PSMD7: variants seen among roughly 807,000 people sequenced by gnomAD.
PSMD7 encodes 26S proteasome non-ATPase regulatory subunit 7.
A neutral mutation model predicts 36.4 loss-of-function variants in PSMD7; 13 were observed. The ratio of observed to expected loss-of-function variants is 0.36; its 90% CI spans 0.23 to 0.57. The LOEUF is 0.57. PSMD7 is among the 20% of genes least tolerant of loss of function. The pLI is 0.83. For missense variants in PSMD7, 298 were observed against 393.6 expected, an observed-to-expected ratio of 0.76 and a Z score of 2.06; for synonymous variants, 186 against 151.0, an observed-to-expected ratio of 1.23 and a Z score of -1.70.
intron 6 of PSMD7, 194 bp from the exon 7 acceptor site, chr16:74,305,094 TA>T (rs2034184683): frequency 4.2e-6 from 3 of 718,590 alleles, no homozygotes; most frequent in Non-Finnish European, 6.4e-6. Flanking sequence ...ATGAGAAAGA[TA>T]AAATGTGTTC....
In PSMD7 at chr16:74,299,271, G is replaced by C. The variant is rs149235524; in HGVS notation, c.75-844G>C. On this transcript the variant is annotated intron_variant, in intron 1 of 6. Coordinates refer to ENST00000219313, the MANE Select transcript of PSMD7 (RefSeq NM_002811.5). ...AATACTTCTTGAAGACCAAGGAAAT[G>C]AGAGTGTGTAAGTGATGCACTTGTA... Among the ~76,000 whole-genome samples the C allele has an allele frequency of 6.6e-3, 1,004 of 152,306 alleles. 7 individuals are homozygous for C. Among genetic ancestry groups the C allele is most frequent in the Non-Finnish European group, 8.5e-3 (578 of 68,036 alleles).
chr16:74,296,860 C>A lies in PSMD7; in HGVS notation c.-55C>A. 1 of 1,587,112 alleles carries A rather than the reference C, an allele frequency of 6.3e-7. No individual in the cohort carries two copies. The highest frequency in any genetic ancestry group is 8.6e-7 in the Non-Finnish European group (1 of 1,160,142). Reference sequence around the variant, plus strand: ...GAAAGGGTACCGGTGACCGCTACTGCTGCCGGTGTTTGCGTGTGGCAGGGA... The same window carrying A: ...GAAAGGGTACCGGTGACCGCTACTGATGCCGGTGTTTGCGTGTGGCAGGGA... On this transcript the variant is annotated 5_prime_UTR_variant, in exon 1 of 7. The change creates a new upstream start codon in the 5' untranslated region. Transcript: ENST00000219313.
chr16:74,300,149 G>A lies in PSMD7; in HGVS notation c.109G>A (p.Gly37Ser). The A allele has an allele frequency of 6.2e-7, 1 of 1,614,124 alleles. No homozygotes were observed. Among genetic ancestry groups the A allele is most frequent in the Non-Finnish European group, 8.5e-7 (1 of 1,180,026 alleles). The change falls in exon 2 of 7, where the codon GGT becomes AGT. Residue 37 changes from glycine (G) to serine (S), a missense_variant. Coordinates refer to ENST00000219313, the MANE Select transcript of PSMD7 (RefSeq NM_002811.5). ...GGTTGGAAACCAGAAGCGTGTTGTT[G>A]GTGTGCTTTTGGGGTCATGGCAAAA... The part of the protein sequence containing the change: ...GKVGNQKRVV[G>S]VLLGSWQKKV...
rs112202160 is a variant in PSMD7, at chr16:74,302,734, G to A, written c.438+442G>A. ...TTCCAACCTGTGCGACAGTTGAGAC[G>A]CTGTCCCCCAAAAAACCAAGAAATC... On this transcript the variant is annotated intron_variant, in intron 5 of 6. Coordinates refer to ENST00000219313, the MANE Select transcript of PSMD7 (RefSeq NM_002811.5). Among the ~76,000 whole-genome samples, 99 of 152,264 alleles carry A rather than the reference G, an allele frequency of 6.5e-4. No homozygotes were observed. In the Middle Eastern group the frequency reaches 0.027, roughly 42 times the overall value.
At chr16:74,303,541 A>C (rs943630190) in intron 5 of PSMD7, among the ~76,000 whole-genome samples, 4 of 152,172 alleles carry the variant, frequency 2.6e-5, no homozygotes, top group African/African-American at 7.2e-5. Flanking sequence ...ACCATGAACC[A>C]TGTCCCCAAT....
intron 1 of PSMD7, among the ~76,000 whole-genome samples, chr16:74,297,652 C>A (rs2034124154): frequency 6.6e-6 from 1 of 151,164 alleles, no homozygotes; most frequent in Admixed American, 6.6e-5. Flanking sequence ...TGGCTACCTT[C>A]ATTTGGCCCT....
At chr16:74,298,310 C>T (rs1489850426) in intron 1 of PSMD7, among the ~76,000 whole-genome samples, 2 of 152,082 alleles carry the variant, frequency 1.3e-5, no homozygotes, top group African/African-American at 4.8e-5. Flanking sequence ...AGACCTGTTG[C>T]ACATGTTTCT....
rs938033639 is a variant in PSMD7 at position 74,296,844 on chromosome 16, C to T, written c.-71C>T. 2.0e-6 allele frequency: 3 copies of T among 1,535,802 alleles called. No individual in the cohort carries two copies. Among genetic ancestry groups the T allele is most frequent in the African/African-American group, 1.4e-5 (1 of 73,576 alleles). ...AAGAGGAACTGGGCCTGAAAGGGTA[C>T]CGGTGACCGCTACTGCTGCCGGTGT... On this transcript the variant is annotated 5_prime_UTR_variant, in exon 1 of 7. Coordinates refer to ENST00000219313, the MANE Select transcript of PSMD7 (RefSeq NM_002811.5).
In PSMD7 at chr16:74,301,538, ATT is replaced by A; in HGVS notation, c.260-11_260-10del. 1 of 1,572,178 alleles carries A rather than the reference ATT, an allele frequency of 6.4e-7. No individual in the cohort carries two copies. Among genetic ancestry groups the A allele is most frequent in the Non-Finnish European group, 8.7e-7 (1 of 1,143,714 alleles). On this transcript the variant is annotated splice_polypyrimidine_tract_variant and intron_variant, in intron 3 of 6. Coordinates refer to ENST00000219313, the MANE Select transcript of PSMD7 (RefSeq NM_002811.5). ...TTCATGAAATAGTTAAAGCCTGCTA[ATT>A]TTTTTCCTTCCTAGCCAGGGAAAGA...
chr16:74,304,209 G>A (rs1836989158), intron 5 of PSMD7, 94 bp from the exon 6 acceptor site: 4 of 1,098,220 alleles, frequency 3.6e-6, no homozygotes, highest in South Asian at 1.3e-5. Context: ...CATTAAATGA[G>A]CTGACTTAAA....
chr16:74,301,479 T>A lies in PSMD7; in HGVS notation c.260-76T>A, dbSNP rs576245144. 46 of 1,099,056 alleles carry A rather than the reference T, an allele frequency of 4.2e-5. No homozygotes were observed. The South Asian group carries it at 5.0e-4, about 12-fold the overall frequency. 68.1% of individuals were successfully genotyped at this position (1,099,056 alleles called of 1,614,324 possible). ...AAGAGGTAAAGGACATAACTACTGATGTTCTTATCCTTTTTGAGGGAGTTG... is the reference window on the plus strand; with the variant it reads ...AAGAGGTAAAGGACATAACTACTGAAGTTCTTATCCTTTTTGAGGGAGTTG... On this transcript the variant is annotated intron_variant, in intron 3 of 6. Transcript: ENST00000219313.
intron 1 of PSMD7, among the ~76,000 whole-genome samples, chr16:74,297,359 CTTCGTTTTGAAG>C (rs2034121842): frequency 6.7e-6 from 1 of 149,910 alleles, no homozygotes; most frequent in Non-Finnish European, 1.5e-5. Flanking sequence ...GTGTCTGTCA[CTTCGTTTTGAAG>C]TTCGTTTTGC....
At chr16:74,297,761 C>A (rs1391301984) in intron 1 of PSMD7, among the ~76,000 whole-genome samples, 1 of 150,352 alleles carries the variant, frequency 6.7e-6, no homozygotes, top group Non-Finnish European at 1.5e-5. Flanking sequence ...CTGGATGATG[C>A]CGGAGTGGGG....
At chr16:74,302,374 A>C (rs767037922) in intron 5 of PSMD7, 82 bp downstream of exon 5, 20 of 1,143,776 alleles carry the variant, frequency 1.7e-5, no homozygotes, top group Non-Finnish European at 2.6e-5. Flanking sequence ...TTTCAGGTCA[A>C]CAAATCCTTT....
At position 74,300,213 on chromosome 16, in the gene PSMD7, G is replaced by T. The variant is rs763039920; in HGVS notation, c.166+7G>T. The stretch of plus-strand genomic sequence containing the variant: ...GTATCGAACAGTTTTGCAGGTAAAA[G>T]ACAAATTTTATGTTTTTCCGAGCAT... On this transcript the variant is annotated splice_region_variant and intron_variant, in intron 2 of 6. Coordinates refer to ENST00000219313, the MANE Select transcript of PSMD7 (RefSeq NM_002811.5). 2.5e-6 allele frequency: 4 copies of T among 1,608,930 alleles called. No homozygotes were observed. The highest frequency in any genetic ancestry group is 2.2e-5 in the East Asian group (1 of 44,874).
chr16:74,300,900 G>T, intron 2 of PSMD7, 152 bp from the exon 3 acceptor site: 1 of 467,466 alleles, frequency 2.1e-6, no homozygotes, highest in Non-Finnish European at 3.8e-6. Context: ...AATTCTCCCA[G>T]TTTTTGGGGC....
chr16:74,296,835 G>T lies in PSMD7; in HGVS notation c.-80G>T, dbSNP rs1010172937. ...AACCGGAAGAAGAGGAACTGGGCCT[G>T]AAAGGGTACCGGTGACCGCTACTGC... On this transcript the variant is annotated 5_prime_UTR_variant, in exon 1 of 7. Transcript: ENST00000219313. 6 of 1,497,032 alleles carry T rather than the reference G, an allele frequency of 4.0e-6. No individual in the cohort carries two copies. The African/African-American group carries it at 8.2e-5, about 21-fold the overall frequency. 92.7% of individuals were successfully genotyped at this position (1,497,032 alleles called of 1,614,324 possible). A position where few individuals can be genotyped will look rare whatever the true frequency, so the allele number is the denominator to read the frequency against.
chr16:74,301,512 C>A (rs1246367642), intron 3 of PSMD7, 43 bp from the exon 4 acceptor site: 2 of 1,418,224 alleles, frequency 1.4e-6, no homozygotes, highest in Admixed American at 3.5e-5. Context: ...TTGTATAGAT[C>A]TTCATGAAAT....
intron 6 of PSMD7, chr16:74,305,081 G>T (rs1467992423): frequency 1.5e-6 from 1 of 658,364 alleles, no homozygotes; most frequent in Non-Finnish European, 2.3e-6. Flanking sequence ...AAAATGTCCT[G>T]TGATGAGAAA....
Sources: allele counts gnomAD v4.1 joint callset (sites outside exome capture counted in the v4.1 genomes callset), GRCh38; gene constraint gnomAD v4.1.1; transcripts MANE v1.5; gene names NCBI Gene and HGNC (gene_info 2026-07-23, HGNC 2026-07-21).